The following P2RX7 variants were observed in gnomAD, a reference collection of about 807,000 sequenced individuals.
P2RX7 encodes purinergic receptor P2X 7.
In P2RX7, 62 loss-of-function variants were observed where a neutral mutation model predicts 71.6. That is an observed-to-expected ratio of 0.87 (90% CI 0.71 to 1.07). P2RX7 has a LOEUF of 1.07. Among genes scored for constraint, P2RX7 ranks in the 50% least tolerant of loss-of-function variants. The pLI, the probability that P2RX7 is intolerant of heterozygous loss-of-function variation, is 0.00. For missense variants in P2RX7, 686 were observed against 748.5 expected (o/e 0.92, Z 0.97); for synonymous variants, 299 against 283.3 (o/e 1.06, Z -0.56).
chr12:121,141,155 C>T (rs766348784), intron 1 of P2RX7, among the ~76,000 whole-genome samples: 3 of 152,144 alleles, frequency 2.0e-5, no homozygotes, highest in Admixed American at 6.5e-5. Flanking sequence ...ACCATCTATC[C>T]GCATCCTTTT....
In P2RX7 at chr12:121,184,752, G is replaced by C; in HGVS notation, c.1738G>C (p.Glu580Gln). The C allele has an allele frequency of 1.9e-6, 3 of 1,554,542 alleles. No individual in the cohort carries two copies. Among genetic ancestry groups the C allele is most frequent in the Non-Finnish European group, 2.6e-6 (3 of 1,148,568 alleles). Residue 580 changes from glutamate to glutamine, a missense_variant, in exon 13 of 13, where the codon GAG becomes CAG. By Grantham distance (29) the Glu-to-Gln change is conservative. Transcript: ENST00000328963. ...PSCCRWRIRK[E>Q]FPKSEGQYSG... ...CTGCTGCCGCTGGAGGATCCGGAAA[G>C]AGTTTCCGAAGAGTGAAGGGCAGTA...
intron 1 of P2RX7, among the ~76,000 whole-genome samples, chr12:121,146,257 C>T (rs1876163018): frequency 6.8e-6 from 1 of 146,548 alleles, no homozygotes; most frequent in Admixed American, 6.8e-5. Flanking sequence ...GCCAAGTTCA[C>T]ATGACCATCC....
chr12:121,166,422 G>A (rs1010608873), intron 7 of P2RX7, among the ~76,000 whole-genome samples: 1 of 152,220 alleles, frequency 6.6e-6, no homozygotes, highest in African/African-American at 2.4e-5. Flanking sequence ...GCTGTAGCAA[G>A]TTATCAAAGC....
chr12:121,139,314 T>G (rs1289852558), intron 1 of P2RX7, among the ~76,000 whole-genome samples: 1 of 152,206 alleles, frequency 6.6e-6, no homozygotes, highest in Non-Finnish European at 1.5e-5. Context: ...GAATAAAAGT[T>G]GGTTGCATTC....
chr12:121,162,241 T>TTTGCC (rs1879870777), intron 4 of P2RX7, 183 bp from the exon 5 acceptor site: 2 of 1,401,342 alleles, frequency 1.4e-6, no homozygotes, highest in Admixed American at 3.0e-5. Context: ...GTTTTGCTTG[T>TTTGCC]TTGCCTTGCC....
intron 1 of P2RX7, among the ~76,000 whole-genome samples, chr12:121,138,788 C>T (rs1874237634): frequency 1.3e-5 from 2 of 152,228 alleles, no homozygotes; most frequent in African/African-American, 4.8e-5. Context: ...CGGCCCCTTC[C>T]TGAGTCCCAC....
Position 121,177,297 on chromosome 12 carries a change from G to A in P2RX7, c.1039G>A (p.Ala347Thr). 6.2e-7 allele frequency: 1 copy of A among 1,614,098 alleles called. No individual in the cohort carries two copies. The highest frequency in any genetic ancestry group is 8.5e-7 in the Non-Finnish European group (1 of 1,180,042). The change falls in exon 11 of 13, where the codon GCC becomes ACC. Residue 347 changes from alanine (A) to threonine (T), a missense_variant and splice_region_variant. Physicochemically the swap from Ala to Thr is moderately conservative, Grantham distance 58. Coordinates refer to ENST00000328963, the MANE Select transcript of P2RX7 (RefSeq NM_002562.6). Reference protein sequence around the residue: ...IGSTLSYFGLAAVFIDFLIDT... With the variant: ...IGSTLSYFGLTAVFIDFLIDT... Reference sequence around the variant, plus strand: ...CAGCGCTTGTCTGCATTCTCCCCAGGCCGCTGTGTTCATCGACTTCCTCAT... The same window carrying A: ...CAGCGCTTGTCTGCATTCTCCCCAGACCGCTGTGTTCATCGACTTCCTCAT...
intron 12 of P2RX7, among the ~76,000 whole-genome samples, chr12:121,181,546 A>C (rs1041853153): frequency 6.6e-6 from 1 of 152,136 alleles, no homozygotes; most frequent in African/African-American, 2.4e-5. Flanking sequence ...GAATTACCAC[A>C]AACTAAGTGG....
chr12:121,184,779 A>G lies in P2RX7; in HGVS notation c.1765A>G (p.Ser589Gly). The change falls in exon 13 of 13, where the codon AGT becomes GGT. Residue 589 changes from serine to glycine, a missense_variant. Ser to Gly is a moderately conservative substitution (Grantham distance 56). Coordinates refer to ENST00000328963, the MANE Select transcript of P2RX7 (RefSeq NM_002562.6). ...KEFPKSEGQY[S>G]GFKSPY ...GTTTCCGAAGAGTGAAGGGCAGTAC[A>G]GTGGCTTCAAGAGTCCTTACTGAAG... 1 of 1,548,586 alleles carries G rather than the reference A, an allele frequency of 6.5e-7. No homozygotes were observed. Among genetic ancestry groups the G allele is most frequent in the Non-Finnish European group, 8.7e-7 (1 of 1,145,212 alleles).
intron 1 of P2RX7, among the ~76,000 whole-genome samples, chr12:121,150,088 G>T (rs552327220): frequency 3.9e-5 from 6 of 152,266 alleles, no homozygotes; most frequent in Non-Finnish European, 5.9e-5. Context: ...CACCAAGCAA[G>T]GTCGGGAGAG....
intron 5 of P2RX7, among the ~76,000 whole-genome samples, chr12:121,164,643 G>A (rs902178261): frequency 1.3e-5 from 2 of 152,154 alleles, no homozygotes; most frequent in Non-Finnish European, 2.9e-5. Context: ...TTAGCCAGGT[G>A]TGGTGGCACA....
At chr12:121,160,112 C>A (rs548372411) in intron 3 of P2RX7, among the ~76,000 whole-genome samples, 101 of 150,170 alleles carry the variant, frequency 6.7e-4, no homozygotes, top group Non-Finnish European at 1.0e-3. Context: ...TTTTTTTTTC[C>A]TTTCTTTCTT....
intron 11 of P2RX7, among the ~76,000 whole-genome samples, 178 bp downstream of exon 11, chr12:121,177,624 CAA>C (rs1179128307): frequency 1.3e-5 from 2 of 151,968 alleles, no homozygotes; most frequent in Non-Finnish European, 2.9e-5. Flanking sequence ...AGAATGGAAA[CAA>C]AAATGGAGGG....
In P2RX7 at chr12:121,154,172, C is replaced by T. The variant is rs1878085089; in HGVS notation, c.126-613C>T. ...GGGCGCAGTGGCTCACACCTGTAAT[C>T]CCAGCTACTTGGGAGGCTGAGGCAG... On this transcript the variant is annotated intron_variant, in intron 1 of 12. Transcript: ENST00000328963. This position sits in a 1 kb window ranked among gnomAD's most constrained non-coding sequence, Gnocchi z 4.2. Among the ~76,000 whole-genome samples the T allele has an allele frequency of 6.6e-6, 1 of 151,876 alleles. No homozygotes were observed. The highest frequency in any genetic ancestry group is 2.1e-4 in the South Asian group (1 of 4,812).
intron 4 of P2RX7, among the ~76,000 whole-genome samples, chr12:121,161,535 G>A (rs1163312345): frequency 1.3e-5 from 2 of 150,960 alleles, no homozygotes; most frequent in African/African-American, 2.4e-5. Context: ...GCTGGTGCCT[G>A]TAATCCCAGC....
rs112717437 is a variant in P2RX7 at position 121,154,665 on chromosome 12, C to T, written c.126-120C>T. 6.3e-3 allele frequency: 4,650 copies of T among 741,282 alleles called. 142 individuals are homozygous for T. The African/African-American group carries it at 0.07, about 11-fold the overall frequency. The allele number at this position is 741,282 out of a possible 1,614,324, so 45.9% of individuals were successfully genotyped here. On this transcript the variant is annotated intron_variant, in intron 1 of 12. Transcript: ENST00000328963. This position sits in a 1 kb window ranked among gnomAD's most constrained non-coding sequence, Gnocchi z 4.2. ...ATCCAGAGAGGGAAAACAAGTCACA[C>T]GGAAGCAAGTCACGCAGCAGAGCTA... is the stretch of plus-strand genomic sequence containing the variant.
At chr12:121,165,559 T>A (rs1880849450) in intron 6 of P2RX7, 122 bp downstream of exon 6, 4 of 785,566 alleles carry the variant, frequency 5.1e-6, no homozygotes, top group Non-Finnish European at 8.4e-6. Context: ...GGGTCAGGAA[T>A]CTGGGAATGA....
chr12:121,163,343 C>CACAT (rs1318932042), intron 5 of P2RX7, among the ~76,000 whole-genome samples: 7 of 127,264 alleles, frequency 5.5e-5, no homozygotes, highest in African/African-American at 2.2e-4. Context: ...CACACACACA[C>CACAT]ACACACACAC....
intron 1 of P2RX7, among the ~76,000 whole-genome samples, chr12:121,148,691 C>T (rs905237265): frequency 2.0e-5 from 3 of 152,170 alleles, no homozygotes; most frequent in Admixed American, 1.3e-4. Flanking sequence ...ATTAAACTTG[C>T]CCTGGGGGTG....
Sources: allele counts gnomAD v4.1 joint callset (sites outside exome capture counted in the v4.1 genomes callset), GRCh38; gene constraint gnomAD v4.1.1; non-coding constraint Gnocchi (gnomAD v3.1); transcripts MANE v1.5; gene names NCBI Gene and HGNC (gene_info 2026-07-23, HGNC 2026-07-21).